Variants in ARSB observed in about 807,000 individuals in gnomAD.
ARSB encodes the protein arylsulfatase B, also known as N-acetylgalactosamine-4-sulfatase.
A neutral mutation model predicts 50.9 loss-of-function variants in ARSB; 41 were observed. The ratio of observed to expected loss-of-function variants is 0.81; its 90% CI spans 0.63 to 1.04. The LOEUF (loss-of-function observed/expected upper bound fraction) is 1.04, where lower values mean the gene tolerates loss of function less well. Among genes scored for constraint, ARSB ranks in the 50% least tolerant of loss-of-function variants. The pLI is 0.00. For synonymous variants in ARSB, 269 were observed against 284.8 expected (o/e 0.94, Z 0.56); for missense variants, 672 against 693.3 (o/e 0.97, Z 0.35).
chr5:78,820,980 T>A (rs1169654972), intron 6 of ARSB, among the ~76,000 whole-genome samples: 1 of 149,386 alleles, frequency 6.7e-6, no homozygotes, highest in Admixed American at 6.7e-5. Flanking sequence ...ATTATCTATG[T>A]AAAAAAAAAA....
chr5:78,952,784 A>G (rs1011312031), intron 4 of ARSB, among the ~76,000 whole-genome samples: 1 of 152,236 alleles, frequency 6.6e-6, no homozygotes, highest in East Asian at 1.9e-4. Context: ...ACTTTAGAAA[A>G]TCATTTGTCC....
At chr5:78,841,880 G>A (rs1745230714) in intron 5 of ARSB, among the ~76,000 whole-genome samples, 1 of 152,128 alleles carries the variant, frequency 6.6e-6, no homozygotes, top group Admixed American at 6.5e-5. Flanking sequence ...ACTATCTTAA[G>A]TATGTTGTCA....
rs188178505 is a variant in ARSB, at chr5:78,909,611, A to G, written c.899-23784T>C. Among the ~76,000 whole-genome samples the G allele has an allele frequency of 8.9e-4, 136 of 152,326 alleles. 1 individual carries two copies. The highest frequency in any genetic ancestry group is 3.2e-3 in the African/African-American group (133 of 41,580). ...GTTTACAGGCAGTATGTTTGGTAAAAGTCATCGCCATTCTCCATTCTCGAT... is the reference window on the plus strand; with the variant it reads ...GTTTACAGGCAGTATGTTTGGTAAAGGTCATCGCCATTCTCCATTCTCGAT... On this transcript the variant is annotated intron_variant, in intron 4 of 7. Transcript: ENST00000264914.
rs1185479219 is a variant in ARSB, at chr5:78,833,269, T to C, written c.1213+6087A>G. On this transcript the variant is annotated intron_variant, in intron 6 of 7. Coordinates refer to ENST00000264914, the MANE Select transcript of ARSB (RefSeq NM_000046.5). Reference sequence around the variant, plus strand: ...TTTCCAGGCTTTCCCACTAATCAGCTTCAATGGTGCTATTCCCCAGGCTCT... The same window carrying C: ...TTTCCAGGCTTTCCCACTAATCAGCCTCAATGGTGCTATTCCCCAGGCTCT... Among the ~76,000 whole-genome samples the C allele has an allele frequency of 2.0e-5, 3 of 152,118 alleles. No homozygotes were observed. In the East Asian group the frequency reaches 5.8e-4, roughly 29 times the overall value.
At chr5:78,938,051 C>T (rs1480519522) in intron 4 of ARSB, among the ~76,000 whole-genome samples, 1 of 152,190 alleles carries the variant, frequency 6.6e-6, no homozygotes, top group Admixed American at 6.5e-5. Flanking sequence ...CCAGCTTCCC[C>T]ACCATCCTGG....
At chr5:78,803,444 T>C (rs1335633734) in intron 6 of ARSB, among the ~76,000 whole-genome samples, 1 of 152,236 alleles carries the variant, frequency 6.6e-6, no homozygotes, top group East Asian at 1.9e-4. Flanking sequence ...CCTCCCTTGA[T>C]CACGAGGTAA....
intron 6 of ARSB, among the ~76,000 whole-genome samples, chr5:78,782,671 A>G (rs1279267476): frequency 1.3e-5 from 2 of 152,196 alleles, no homozygotes; most frequent in Admixed American, 1.3e-4. Flanking sequence ...TTTGAAACCA[A>G]TTAAGAGGTA....
intron 5 of ARSB, among the ~76,000 whole-genome samples, chr5:78,840,102 C>T (rs1745134586): frequency 6.6e-6 from 1 of 152,164 alleles, no homozygotes; most frequent in Non-Finnish European, 1.5e-5. Context: ...GTGTGACTCT[C>T]AAAGCAGTGT....
At chr5:78,854,164 G>A (rs1342084288) in intron 5 of ARSB, among the ~76,000 whole-genome samples, 1 of 152,244 alleles carries the variant, frequency 6.6e-6, no homozygotes, top group East Asian at 1.9e-4. Flanking sequence ...CTCACGCTGG[G>A]AGCTGTAGAC....
intron 4 of ARSB, among the ~76,000 whole-genome samples, chr5:78,954,476 A>G (rs1238096379): frequency 6.6e-6 from 1 of 152,184 alleles, no homozygotes; most frequent in East Asian, 1.9e-4. Flanking sequence ...TAATTTGTCT[A>G]TAATAACATA....
intron 6 of ARSB, among the ~76,000 whole-genome samples, chr5:78,836,486 G>C (rs1429439193): frequency 6.6e-6 from 1 of 152,216 alleles, no homozygotes; most frequent in Non-Finnish European, 1.5e-5. Context: ...GCCTAAATTT[G>C]TGGCGGCAGT....
chr5:78,786,893 C>T (rs912082302), intron 6 of ARSB, among the ~76,000 whole-genome samples: 2 of 152,028 alleles, frequency 1.3e-5, no homozygotes, highest in Admixed American at 1.3e-4. Context: ...AGGCATGAGC[C>T]ACCATACCCA....
At chr5:78,800,443 G>A (rs3857402) in intron 6 of ARSB, among the ~76,000 whole-genome samples, 1 of 151,948 alleles carries the variant, frequency 6.6e-6, no homozygotes, top group Non-Finnish European at 1.5e-5. Context: ...GTTTGGGGCT[G>A]GAATTCCCAG....
intron 5 of ARSB, among the ~76,000 whole-genome samples, chr5:78,870,693 CCCACAG>C (rs1334850671): frequency 6.7e-6 from 1 of 150,228 alleles, no homozygotes; most frequent in Admixed American, 6.7e-5. Flanking sequence ...CTATGACAAA[CCCACAG>C]CCAATATCAT....
intron 6 of ARSB, 103 bp from the exon 7 acceptor site, chr5:78,782,077 T>C: frequency 1.4e-6 from 2 of 1,416,498 alleles, no homozygotes; most frequent in Non-Finnish European, 9.9e-7. Flanking sequence ...TATTCAACAC[T>C]GGAGTGCAAA....
intron 6 of ARSB, among the ~76,000 whole-genome samples, chr5:78,799,179 G>A (rs1419419049): frequency 6.6e-6 from 1 of 152,200 alleles, no homozygotes; most frequent in African/African-American, 2.4e-5. Context: ...GAAATATGAA[G>A]GAGGTGCCAC....
chr5:78,872,423 C>T (rs952304183), intron 5 of ARSB, among the ~76,000 whole-genome samples: 1 of 135,314 alleles, frequency 7.4e-6, no homozygotes, highest in Non-Finnish European at 1.6e-5. Flanking sequence ...ACCCAAATGT[C>T]CAACAATGAT....
intron 6 of ARSB, among the ~76,000 whole-genome samples, chr5:78,813,957 C>G (rs1178960656): frequency 6.6e-6 from 1 of 152,112 alleles, no homozygotes; most frequent in Non-Finnish European, 1.5e-5. Flanking sequence ...AGAAAAAGAA[C>G]TATAAAACAC....
At chr5:78,884,472 C>T (rs1017102578) in intron 5 of ARSB, 7 of 151,896 alleles carry the variant, frequency 4.6e-5, no homozygotes, top group African/African-American at 1.7e-4. Flanking sequence ...TTTCCTATAA[C>T]TAGAGACCTG....
Sources: gnomAD v4.1 joint callset for allele counts (sites outside exome capture counted in the v4.1 genomes callset) on GRCh38, gnomAD v4.1.1 for gene constraint, MANE v1.5 for transcripts, NCBI Gene and HGNC (gene_info 2026-07-23, HGNC 2026-07-21) for gene names.